NLRP12: variants seen among roughly 807,000 people sequenced by gnomAD.
NLRP12 encodes the protein NLR family pyrin domain containing 12.
Under a neutral mutation model 91.2 loss-of-function variants are expected in NLRP12, and 108 were observed. That is an observed-to-expected ratio of 1.18 (90% confidence interval 1.01 to 1.39). NLRP12 has a LOEUF of 1.39. NLRP12 is among the 40% of genes most tolerant of loss of function. NLRP12 has a pLI of 0.00. For missense variants in NLRP12, 1,530 were observed against 1,352.7 expected, an observed-to-expected ratio of 1.13 and a Z score of -2.06; for synonymous variants, 613 against 566.7, an observed-to-expected ratio of 1.08 and a Z score of -1.16.
chr19:53,794,849 A>G (rs1372111096), intron 9 of NLRP12, among the ~76,000 whole-genome samples: 2 of 151,606 alleles, frequency 1.3e-5, no homozygotes, highest in Non-Finnish European at 2.9e-5. Context: ...GCATAGAGCC[A>G]CCCGCTCCCA....
intron 1 of NLRP12, among the ~76,000 whole-genome samples, chr19:53,823,446 T>TTAAATATA (rs2092294585): frequency 1.5e-5 from 1 of 66,632 alleles, no homozygotes; most frequent in African/African-American, 5.9e-5. Flanking sequence ...AATATATGTT[T>TTAAATATA]TAAATATATA....
intron 4 of NLRP12, chr19:53,805,915 A>T (rs1419911567): frequency 9.4e-6 from 2 of 213,192 alleles, no homozygotes. Context: ...CTTTGTAGTC[A>T]AATACATTCA....
chr19:53,808,151 A>C (rs931561015), intron 3 of NLRP12: 7 of 278,676 alleles, frequency 2.5e-5, no homozygotes, highest in African/African-American at 1.5e-4. Flanking sequence ...TTGACCTCCC[A>C]GGCTTAAGCA....
At chr19:53,816,299 G>T (rs1238335497) in intron 1 of NLRP12, among the ~76,000 whole-genome samples, 1 of 152,020 alleles carries the variant, frequency 6.6e-6, no homozygotes, top group Non-Finnish European at 1.5e-5. Flanking sequence ...GCTAGTCCAT[G>T]AAATGATTCA....
chr19:53,803,002 G>A (rs1202350646), intron 6 of NLRP12, among the ~76,000 whole-genome samples: 1 of 152,100 alleles, frequency 6.6e-6, no homozygotes, highest in African/African-American at 2.4e-5. Context: ...TCCTGCCTTG[G>A]CCTTCCAGAG....
chr19:53,805,823 AT>A (rs1264999540), intron 4 of NLRP12: 1 of 294,674 alleles, frequency 3.4e-6, no homozygotes, highest in African/African-American at 2.2e-5. Flanking sequence ...TGGCCAATAT[AT>A]TTATTTCAAA....
chr19:53,807,550 C>G lies in NLRP12; in HGVS notation c.2188G>C (p.Val730Leu), dbSNP rs776527127. 1.4e-5 allele frequency: 23 copies of G among 1,613,692 alleles called. No individual in the cohort carries two copies. The Admixed American group carries it at 3.8e-4, about 27-fold the overall frequency. Reference protein sequence around the residue: ...LYRNALGSRGVKLLCQGLRHP... With the variant: ...LYRNALGSRGLKLLCQGLRHP... Reference sequence around the variant, plus strand: ...CTGAGTCCTTGACAGAGCAGCTTCACCCCCCGGCTGCCCAGGGCATTTCGG... The same window carrying G: ...CTGAGTCCTTGACAGAGCAGCTTCAGCCCCCGGCTGCCCAGGGCATTTCGG... Residue 730 changes from valine to leucine, a missense_variant, in exon 4 of 10, where the codon GTG becomes CTG. Val to Leu is a conservative substitution (Grantham distance 32). Coordinates refer to ENST00000324134, the MANE Select transcript of NLRP12 (RefSeq NM_144687.4).
chr19:53,796,724 T>G (rs1600671150), intron 8 of NLRP12, among the ~76,000 whole-genome samples: 1 of 148,664 alleles, frequency 6.7e-6, no homozygotes, highest in African/African-American at 2.5e-5. Context: ...AGGCCGGGCG[T>G]GGTGGCTCAC....
rs747596009 is a variant in NLRP12 at position 53,807,579 on chromosome 19, A to G, written c.2159T>C (p.Leu720Pro). The part of the protein sequence containing the change: ...CTNPNLIELS[L>P]YRNALGSRGV... ...CCGGCTGCCCAGGGCATTTCGGTAC[A>G]GAGACAGCTCTATCAGGTTTGGATT... The change falls in exon 4 of 10, where the codon CTG becomes CCG. Residue 720 changes from leucine (L) to proline (P), a missense_variant. Physicochemically the swap from Leu to Pro is moderately conservative, Grantham distance 98. Coordinates refer to ENST00000324134, the MANE Select transcript of NLRP12 (RefSeq NM_144687.4). The G allele has an allele frequency of 4.3e-6, 7 of 1,614,004 alleles. No individual in the cohort carries two copies. The Admixed American group carries it at 6.7e-5, about 15-fold the overall frequency.
intron 7 of NLRP12, among the ~76,000 whole-genome samples, chr19:53,799,047 A>G (rs2061309128): frequency 7.9e-6 from 1 of 125,912 alleles, no homozygotes. Flanking sequence ...GAGTCTTGCA[A>G]TGTCGCCCAG....
intron 4 of NLRP12, among the ~76,000 whole-genome samples, chr19:53,806,380 CAT>C (rs1472669527): frequency 6.6e-6 from 1 of 151,154 alleles, no homozygotes; most frequent in Non-Finnish European, 1.5e-5. Context: ...CTCTCCAAAA[CAT>C]ACAAAAATTA....
In NLRP12 at chr19:53,810,256, C is replaced by A. The variant is rs559396586; in HGVS notation, c.1403G>T (p.Gly468Val). 103 of 1,614,082 alleles carry A rather than the reference C, an allele frequency of 6.4e-5. 1 individual carries two copies. In the South Asian group the frequency reaches 1.0e-3, roughly 16 times the overall value. The change falls in exon 3 of 10, where the codon GGG becomes GTG. Residue 468 changes from glycine to valine, a missense_variant. Physicochemically the swap from Gly to Val is moderately radical, Grantham distance 109. Transcript: ENST00000324134. ...AAATAGGATTTTCTGATTCCAGAGC[C>A]CATCTGCCGCCAAGGAGCACAACCC... ...QRGLCSLAAD[G>V]LWNQKILFEE...
Position 53,805,335 on chromosome 19 carries a change from T to TG in NLRP12, c.2358dup (p.Met787HisfsTer45). On this transcript the variant is annotated frameshift_variant, in exon 5 of 10. Transcript: ENST00000324134. LOFTEE classifies it high-confidence loss of function. ...CGCAGGCCCTCGCAAAGCAGCATCA[T>TG]GCCTGGGAATCCAACGCCGTTGCCA... is the stretch of plus-strand genomic sequence containing the variant. The TG allele has an allele frequency of 6.2e-7, 1 of 1,614,116 alleles. No individual in the cohort carries two copies. The highest frequency in any genetic ancestry group is 1.1e-5 in the South Asian group (1 of 91,082).
At chr19:53,809,243 A>G (rs1238610651) in intron 3 of NLRP12, among the ~76,000 whole-genome samples, 1 of 112,240 alleles carries the variant, frequency 8.9e-6, no homozygotes, top group African/African-American at 3.3e-5. Flanking sequence ...AAAAAAAAAA[A>G]AATCGTGGGC....
intron 1 of NLRP12, among the ~76,000 whole-genome samples, chr19:53,823,469 A>ATTTTAAAATATAT (rs1314014988): frequency 2.8e-5 from 3 of 106,634 alleles, no homozygotes; most frequent in Non-Finnish European, 5.7e-5. Context: ...TTAAATATAT[A>ATTTTAAAATATAT]TTTAAAATAT....
chr19:53,804,204 T>A, intron 5 of NLRP12, 82 bp from the exon 6 acceptor site: 1 of 1,483,370 alleles, frequency 6.7e-7, no homozygotes, highest in Non-Finnish European at 9.3e-7. Flanking sequence ...TGTTATTTTA[T>A]TATTTAGGAA....
chr19:53,807,863 G>A (rs2091987923), intron 3 of NLRP12, 198 bp from the exon 4 acceptor site: 6 of 581,986 alleles, frequency 1.0e-5, no homozygotes, highest in Non-Finnish European at 1.9e-5. Flanking sequence ...CGATTCTCCT[G>A]CCTCAGCCTC....
At position 53,822,273 on chromosome 19, in the gene NLRP12, C is replaced by T. The variant is rs192484388; in HGVS notation, c.289+1613G>A. 2.3e-3 allele frequency among the ~76,000 whole-genome samples: 355 copies of T among 152,094 alleles called. 2 individuals are homozygous for T. Among genetic ancestry groups the T allele is most frequent in the African/African-American group, 7.7e-3 (319 of 41,486 alleles). On this transcript the variant is annotated intron_variant, in intron 1 of 9. Coordinates refer to ENST00000324134, the MANE Select transcript of NLRP12 (RefSeq NM_144687.4). ...TTATATAGATATAGATGTGTGTGTACGTAAATTAGAATTCCAGATCTCCCA... is the reference window on the plus strand; with the variant it reads ...TTATATAGATATAGATGTGTGTGTATGTAAATTAGAATTCCAGATCTCCCA...
intron 6 of NLRP12, among the ~76,000 whole-genome samples, chr19:53,801,924 C>G (rs1290168661): frequency 6.6e-6 from 1 of 151,980 alleles, no homozygotes; most frequent in Non-Finnish European, 1.5e-5. Context: ...GAAACCCCCT[C>G]TCTACTAATA....
Sources: gnomAD v4.1 joint callset for allele counts (sites outside exome capture counted in the v4.1 genomes callset) on GRCh38, gnomAD v4.1.1 for gene constraint, MANE v1.5 for transcripts, NCBI Gene and HGNC (gene_info 2026-07-23, HGNC 2026-07-21) for gene names.